RNF34: variants seen among roughly 807,000 people sequenced by gnomAD.
RNF34 encodes E3 ubiquitin-protein ligase RNF34.
RNF34 carries 12 observed loss-of-function variants against 37.9 expected under a neutral mutation model. The observed-to-expected ratio is 0.32, with a 90% CI of 0.20 to 0.51. The LOEUF (loss-of-function observed/expected upper bound fraction) is 0.51. Among genes scored for constraint, RNF34 ranks in the 20% least tolerant of loss-of-function variants. RNF34 has a pLI of 0.97. For synonymous variants in RNF34, 155 were observed against 177.2 expected, an observed-to-expected ratio of 0.87 and a Z score of 1.00; for missense variants, 362 against 472.7, an observed-to-expected ratio of 0.77 and a Z score of 2.17.
At chr12:121,412,724 C>CTTT (rs1409875276) in intron 1 of RNF34, among the ~76,000 whole-genome samples, 28 of 121,910 alleles carry the variant, frequency 2.3e-4, no homozygotes, top group African/African-American at 7.0e-4. Flanking sequence ...GATGTTCATG[C>CTTT]TTTTTTTTTT....
rs1555283167 is a variant in RNF34, at chr12:121,420,605, G to A, written c.755G>A (p.Arg252Lys). The A allele has an allele frequency of 6.2e-7, 1 of 1,614,170 alleles. No homozygotes were observed. The highest frequency in any genetic ancestry group is 1.1e-5 in the South Asian group (1 of 91,078). Residue 252 changes from arginine to lysine, a missense_variant, in exon 5 of 6, where the codon AGA becomes AAA. By Grantham distance (26) the Arg-to-Lys change is conservative. Transcript: ENST00000361234. ...RNPGLSKERV[R>K]ASLSDLSSLD... ...CCCGGGCTCTCCAAGGAGAGAGTGA[G>A]AGCTTCACTGTCTGACTTGTCAAGC...
intron 1 of RNF34, among the ~76,000 whole-genome samples, chr12:121,400,535 C>T (rs980221480): frequency 1.3e-5 from 2 of 152,230 alleles, no homozygotes; most frequent in African/African-American, 2.4e-5. Flanking sequence ...TGAGGCAGAG[C>T]CGCCAGGGCT....
rs1336268987 is a variant in RNF34 at position 121,419,133 on chromosome 12, G to A, written c.634-1109G>A. Among the ~76,000 whole-genome samples the A allele has an allele frequency of 3.9e-5, 6 of 152,170 alleles. 1 individual carries two copies. In the South Asian group the frequency reaches 1.0e-3, roughly 26 times the overall value. ...AGACCACATACACGGCAGTGGTTCT[G>A]TAAGATTATAATACCATATTTTTAT... On this transcript the variant is annotated intron_variant, in intron 3 of 5. Coordinates refer to ENST00000361234, the MANE Select transcript of RNF34 (RefSeq NM_025126.4).
intron 2 of RNF34, 66 bp downstream of exon 2, chr12:121,416,443 G>T (rs1242347395): frequency 5.5e-5 from 58 of 1,054,752 alleles, no homozygotes; most frequent in Non-Finnish European, 8.3e-5. Context: ...AGGTTATTTT[G>T]AATAGCTATT....
chr12:121,413,881 G>A (rs954553544), intron 1 of RNF34, among the ~76,000 whole-genome samples: 3 of 151,994 alleles, frequency 2.0e-5, no homozygotes, highest in East Asian at 1.9e-4. Flanking sequence ...GGCTTCACCT[G>A]ACTTTTAAAG....
chr12:121,417,573 T>A lies in RNF34; in HGVS notation c.295T>A (p.Cys99Ser). The change falls in exon 3 of 6, where the codon TGT becomes AGT. Residue 99 changes from cysteine to serine, a missense_variant. Transcript: ENST00000361234. This position sits in a 1 kb window ranked among gnomAD's most constrained non-coding sequence, Gnocchi z 5.0. ...AGTCTTACAAGAAAATCTCCGTAGA[T>A]GTTCTACTTGTCACTTATTACAAGA... The part of the protein sequence containing the change: ...CSVLQENLRR[C>S]STCHLLQETA... 6.2e-7 allele frequency: 1 copy of A among 1,614,216 alleles called. No individual in the cohort carries two copies. The highest frequency in any genetic ancestry group is 8.5e-7 in the Non-Finnish European group (1 of 1,179,996).
chr12:121,416,495 C>G (rs1042649056), intron 2 of RNF34, 118 bp downstream of exon 2: 7 of 714,440 alleles, frequency 9.8e-6, no homozygotes, highest in African/African-American at 1.8e-5. Flanking sequence ...AAGCTTAGTT[C>G]CATTAGCCAT....
chr12:121,416,397 A>G lies in RNF34; in HGVS notation c.225+20A>G, dbSNP rs890827560. On this transcript the variant is annotated intron_variant, in intron 2 of 5. Coordinates refer to ENST00000361234, the MANE Select transcript of RNF34 (RefSeq NM_025126.4). ...AAGAAGGTGAGTTGGATGAAATGTT[A>G]CATAACAACACACATGGGTCAGCAT... The G allele has an allele frequency of 2.7e-6, 4 of 1,456,818 alleles. No individual in the cohort carries two copies. In the East Asian group the frequency reaches 6.8e-5, roughly 25 times the overall value. The allele number at this position is 1,456,818 out of a possible 1,614,324, so 90.2% of individuals were successfully genotyped here.
At chr12:121,410,429 T>G (rs1447468802) in intron 1 of RNF34, among the ~76,000 whole-genome samples, 1 of 151,412 alleles carries the variant, frequency 6.6e-6, no homozygotes, top group African/African-American at 2.4e-5. Context: ...CCCGGCTACT[T>G]GGGAGGCTGA....
In RNF34 at chr12:121,417,901, T is replaced by C. The variant is rs552029784; in HGVS notation, c.623T>C (p.Val208Ala). The C allele has an allele frequency of 6.2e-7, 1 of 1,613,608 alleles. No individual in the cohort carries two copies. Among genetic ancestry groups the C allele is most frequent in the Non-Finnish European group, 8.5e-7 (1 of 1,179,862 alleles). ...GGAGACCAAACATCCAGATCTGGAG[T>C]GCCGGCACAGGTACGAGGGGGTAAC... ...MDGDQTSRSGVPAQVQSEITS... is the reference protein window; with the variant it reads ...MDGDQTSRSGAPAQVQSEITS... The change falls in exon 3 of 6, where the codon GTG becomes GCG. Residue 208 changes from valine to alanine, a missense_variant. By Grantham distance (64) the Val-to-Ala change is moderately conservative (BLOSUM62 0). Transcript: ENST00000361234. This position sits in a 1 kb window ranked among gnomAD's most constrained non-coding sequence, Gnocchi z 5.0.
rs138143734 is a variant in RNF34 at position 121,422,365 on chromosome 12, C to A, written c.929-1021C>A. Reference sequence around the variant, plus strand: ...GACAAGATACTGGCTCCTCTGCTTTCCTAAGTTCTAAAGAGTGGGAAGGAA... The same window carrying A: ...GACAAGATACTGGCTCCTCTGCTTTACTAAGTTCTAAAGAGTGGGAAGGAA... On this transcript the variant is annotated intron_variant, in intron 5 of 5. Coordinates refer to ENST00000361234, the MANE Select transcript of RNF34 (RefSeq NM_025126.4). Among the ~76,000 whole-genome samples, 37 of 152,290 alleles carry A rather than the reference C, an allele frequency of 2.4e-4. 1 individual carries two copies. Among genetic ancestry groups the A allele is most frequent in the African/African-American group, 8.7e-4 (36 of 41,552 alleles).
In RNF34 at chr12:121,423,518, G is replaced by GT; in HGVS notation, c.1062dup (p.Glu355Ter). On this transcript the variant is annotated frameshift_variant, in exon 6 of 6. Coordinates refer to ENST00000361234, the MANE Select transcript of RNF34 (RefSeq NM_025126.4). LOFTEE classifies it high-confidence loss of function. This position sits in a 1 kb window ranked among gnomAD's most constrained non-coding sequence, Gnocchi z 4.3. ...TGCACCAAGTGCGGCAAGCGCATGA[G>GT]TGAGTGTCCCATCTGCCGGCAGTAT... The GT allele has an allele frequency of 6.2e-7, 1 of 1,614,248 alleles. No homozygotes were observed. The highest frequency in any genetic ancestry group is 8.5e-7 in the Non-Finnish European group (1 of 1,180,040).
chr12:121,415,556 C>T (rs1385420092), intron 1 of RNF34, among the ~76,000 whole-genome samples: 1 of 152,068 alleles, frequency 6.6e-6, no homozygotes, highest in Non-Finnish European at 1.5e-5. Flanking sequence ...GTGGAGGTTG[C>T]AGTGAGCCGA....
chr12:121,402,621 T>G (rs1184527741), intron 1 of RNF34: 6 of 566,076 alleles, frequency 1.1e-5, no homozygotes, highest in South Asian at 8.5e-5. Context: ...CCATTTTTCC[T>G]TATTTATATT....
In RNF34 at chr12:121,424,031, A is replaced by G. The variant is rs1872383703; in HGVS notation, c.*455A>G. The G allele has an allele frequency of 1.3e-5, 2 of 154,498 alleles. No individual in the cohort carries two copies. The highest frequency in any genetic ancestry group is 2.9e-5 in the Non-Finnish European group (2 of 69,372). 9.6% of individuals were successfully genotyped at this position (154,498 alleles called of 1,614,324 possible). ...AGTGGCTCCTCTGAATGTTCACTTT[A>G]TTAGTCATGTATATTTTAAATGCTA... On this transcript the variant is annotated 3_prime_UTR_variant, in exon 6 of 6. Transcript: ENST00000361234.
chr12:121,404,734 AGTC>A (rs1870354679), intron 1 of RNF34: 1 of 152,082 alleles, frequency 6.6e-6, no homozygotes, highest in South Asian at 2.1e-4. Context: ...TCTTCGTTCT[AGTC>A]TGGCTGGTTG....
At chr12:121,400,701 A>T (rs1869900096) in intron 1 of RNF34, among the ~76,000 whole-genome samples, 1 of 152,124 alleles carries the variant, frequency 6.6e-6, no homozygotes, top group South Asian at 2.1e-4. Flanking sequence ...AAGAACTCTC[A>T]GGGTGGGGAT....
intron 3 of RNF34, 145 bp downstream of exon 3, chr12:121,418,056 T>C: frequency 1.2e-6 from 1 of 864,880 alleles, no homozygotes. Flanking sequence ...AACTCTGCAC[T>C]TAAAGGCTGT....
At chr12:121,419,419 A>G (rs887476708) in intron 3 of RNF34, among the ~76,000 whole-genome samples, 13 of 152,236 alleles carry the variant, frequency 8.5e-5, no homozygotes, top group African/African-American at 1.9e-4. Flanking sequence ...CGTAAATTAG[A>G]TAAGTCCAAG....
Sources: allele counts gnomAD v4.1 joint callset (sites outside exome capture counted in the v4.1 genomes callset), GRCh38; gene constraint gnomAD v4.1.1; non-coding constraint Gnocchi (gnomAD v3.1); transcripts MANE v1.5; gene names NCBI Gene and HGNC (gene_info 2026-07-23, HGNC 2026-07-21).